NRG1: variants seen among roughly 807,000 people sequenced by gnomAD.
NRG1 encodes pro-neuregulin-1, membrane-bound isoform.
A neutral mutation model predicts 63.8 loss-of-function variants in NRG1; 18 were observed. That is an observed-to-expected ratio of 0.28 (90% CI 0.19 to 0.42). NRG1 has a LOEUF of 0.42. Among genes scored for constraint, NRG1 ranks in the 10% least tolerant of loss-of-function variants. The probability of loss-of-function intolerance (pLI) is 1.00; values close to 1 mark genes in which losing one functional copy is unlikely to be tolerated. For synonymous variants in NRG1, 302 were observed against 301.3 expected, an observed-to-expected ratio of 1.00 and a Z score of -0.02; for missense variants, 762 against 814.7, an observed-to-expected ratio of 0.94 and a Z score of 0.79.
intron 1 of NRG1, among the ~76,000 whole-genome samples, chr8:32,080,200 G>T (rs117461511): frequency 0.011 from 1,638 of 152,210 alleles, 30 homozygotes; most frequent in South Asian, 0.083. Context: ...TGGGAGAAAA[G>T]AATTCTTAAC....
chr8:32,726,350 A>G (rs1822189108), intron 5 of NRG1, among the ~76,000 whole-genome samples: 1 of 151,868 alleles, frequency 6.6e-6, no homozygotes, highest in African/African-American at 2.4e-5. Flanking sequence ...TCCTTTATCT[A>G]GATTATTTAT....
At chr8:31,677,188 A>G (rs1454720115) in intron 1 of NRG1, among the ~76,000 whole-genome samples, 1 of 152,166 alleles carries the variant, frequency 6.6e-6, no homozygotes, top group South Asian at 2.1e-4. Flanking sequence ...CCAGTTTCCT[A>G]TCTGGGATAG....
intron 1 of NRG1, among the ~76,000 whole-genome samples, chr8:31,931,687 CCT>C (rs1253611551): frequency 6.6e-6 from 1 of 152,106 alleles, no homozygotes; most frequent in African/African-American, 2.4e-5. Context: ...AAAGATTAAA[CCT>C]CTTGTGTCTC....
chr8:32,448,229 T>C (rs1289555216), intron 1 of NRG1, among the ~76,000 whole-genome samples: 3 of 152,206 alleles, frequency 2.0e-5, no homozygotes, highest in Non-Finnish European at 4.4e-5. Context: ...CCAACTGATG[T>C]AGATATACCC....
intron 1 of NRG1, among the ~76,000 whole-genome samples, chr8:31,818,457 G>A (rs1384956578): frequency 2.6e-5 from 4 of 152,136 alleles, no homozygotes; most frequent in African/African-American, 7.2e-5. Context: ...ATCATGGAAG[G>A]TAATTTTGCC....
chr8:32,314,078 A>C (rs1857106042), intron 1 of NRG1, among the ~76,000 whole-genome samples: 1 of 152,182 alleles, frequency 6.6e-6, no homozygotes, highest in Non-Finnish European at 1.5e-5. Flanking sequence ...GACAAATTAG[A>C]TCATTTGAAG....
intron 1 of NRG1, among the ~76,000 whole-genome samples, chr8:32,335,990 A>C (rs914435689): frequency 9.3e-5 from 14 of 151,200 alleles, no homozygotes; most frequent in Non-Finnish European, 1.3e-4. Context: ...CCACCCACCC[A>C]CACACACACA....
intron 1 of NRG1, among the ~76,000 whole-genome samples, chr8:32,595,586 G>T (rs2439287): frequency 6.6e-6 from 1 of 152,058 alleles, no homozygotes; most frequent in Non-Finnish European, 1.5e-5. Flanking sequence ...AAACTATCTA[G>T]AATTTTTTTA....
intron 1 of NRG1, among the ~76,000 whole-genome samples, chr8:32,234,211 T>C (rs1231360261): frequency 6.6e-6 from 1 of 152,200 alleles, no homozygotes; most frequent in African/African-American, 2.4e-5. Context: ...TACCTTTATG[T>C]ACATTTACAC....
intron 1 of NRG1, among the ~76,000 whole-genome samples, chr8:32,104,293 A>C (rs765703381): frequency 6.6e-6 from 1 of 152,240 alleles, no homozygotes; most frequent in Non-Finnish European, 1.5e-5. Flanking sequence ...TAGAAAAGGC[A>C]CAGTAAAATA....
intron 1 of NRG1, chr8:32,171,295 T>C (rs1434246085): frequency 3.3e-5 from 5 of 152,210 alleles, no homozygotes; most frequent in Non-Finnish European, 7.3e-5. Flanking sequence ...GTTACATTGG[T>C]ATATGTGTGC....
At chr8:32,658,824 C>T (rs1041093772) in intron 5 of NRG1, among the ~76,000 whole-genome samples, 2 of 152,188 alleles carry the variant, frequency 1.3e-5, no homozygotes, top group Non-Finnish European at 2.9e-5. Flanking sequence ...TCAGGTTAAA[C>T]ATTTGTATTA....
At position 31,761,074 on chromosome 8, in the gene NRG1, C is replaced by T. The variant is rs892500428; in HGVS notation, c.37+121643C>T. ...ACCCAAATGTCCAACAGTGATAGAC[C>T]GGATTAAGAAAATGTGGCAGATATA... On this transcript the variant is annotated intron_variant, in intron 1 of 10. Coordinates refer to the NRG1 transcript ENST00000519301. Among the ~76,000 whole-genome samples, 87 of 152,070 alleles carry T rather than the reference C, an allele frequency of 5.7e-4. 1 individual carries two copies. Among genetic ancestry groups the T allele is most frequent in the African/African-American group, 1.5e-3 (61 of 41,484 alleles).
intron 1 of NRG1, among the ~76,000 whole-genome samples, chr8:32,297,198 A>T (rs1854999025): frequency 6.6e-6 from 1 of 152,120 alleles, no homozygotes. Flanking sequence ...AATTTAATTT[A>T]AAAATTTCTA....
At chr8:31,703,537 C>G (rs1157916081) in intron 1 of NRG1, among the ~76,000 whole-genome samples, 2 of 152,146 alleles carry the variant, frequency 1.3e-5, no homozygotes, top group Non-Finnish European at 2.9e-5. Context: ...AAGTTTCAAA[C>G]AATTTATTGG....
intron 1 of NRG1, among the ~76,000 whole-genome samples, chr8:31,866,255 C>T (rs1161338438): frequency 6.6e-6 from 1 of 152,158 alleles, no homozygotes; most frequent in Non-Finnish European, 1.5e-5. Context: ...ACATCTGTGA[C>T]AGGCAGTTGA....
chr8:31,679,932 G>A (rs1808142718), intron 1 of NRG1, among the ~76,000 whole-genome samples: 1 of 151,980 alleles, frequency 6.6e-6, no homozygotes, highest in East Asian at 1.9e-4. Context: ...TTTGGAAAAG[G>A]TAACAAAATA....
chr8:32,147,659 A>G (rs1048112413), intron 1 of NRG1, among the ~76,000 whole-genome samples: 1 of 152,182 alleles, frequency 6.6e-6, no homozygotes, highest in East Asian at 1.9e-4. Context: ...GTTTCAGATC[A>G]TCCACTTCCC....
intron 7 of NRG1, among the ~76,000 whole-genome samples, chr8:32,745,149 A>T (rs913682270): frequency 3.9e-5 from 6 of 152,132 alleles, no homozygotes; most frequent in Non-Finnish European, 8.8e-5. Context: ...AAGTCAGAAA[A>T]ATAAATTTGT....
Sources: allele counts gnomAD v4.1 joint callset (sites outside exome capture counted in the v4.1 genomes callset), GRCh38; gene constraint gnomAD v4.1.1; transcripts MANE v1.5; gene names NCBI Gene and HGNC (gene_info 2026-07-23, HGNC 2026-07-21).